The following AKAP8 variants were observed in gnomAD, a reference collection of about 807,000 sequenced individuals.
The protein encoded by AKAP8 is A-kinase anchor protein 8.
A neutral mutation model predicts 67.5 loss-of-function variants in AKAP8; 24 were observed. That is an observed-to-expected ratio of 0.36 (90% CI 0.26 to 0.50). The LOEUF (loss-of-function observed/expected upper bound fraction) is 0.50. Ranked by LOEUF, AKAP8 falls within the 20% of genes least tolerant of loss-of-function variation. The pLI is 0.97. For synonymous variants in AKAP8, 400 were observed against 371.1 expected, an observed-to-expected ratio of 1.08 and a Z score of -0.90; for missense variants, 971 against 955.9, an observed-to-expected ratio of 1.02 and a Z score of -0.21.
intron 9 of AKAP8, among the ~76,000 whole-genome samples, chr19:15,365,605 G>A (rs550508278): frequency 1.3e-4 from 20 of 152,304 alleles, no homozygotes; most frequent in African/African-American, 3.4e-4. Flanking sequence ...CAGCCCCTAC[G>A]TAGGCGGGGA....
Position 15,355,139 on chromosome 19 carries a change from G to T in AKAP8, c.1855C>A (p.Pro619Thr). The T allele has an allele frequency of 6.2e-7, 1 of 1,613,350 alleles. No individual in the cohort carries two copies. Among genetic ancestry groups the T allele is most frequent in the African/African-American group, 1.3e-5 (1 of 75,070 alleles). The change falls in exon 14 of 14, where the codon CCT becomes ACT. Residue 619 changes from proline (P) to threonine (T), a missense_variant. Physicochemically the swap from Pro to Thr is conservative, Grantham distance 38 (BLOSUM62 -1). Coordinates refer to ENST00000269701, the MANE Select transcript of AKAP8 (RefSeq NM_005858.4). ...TCTTCCAGCAGCTGTTCGGCTTGAG[G>T]ATCACTACCGGCCTCCGCTGTGTCC... ...PTDTAEAGSD[P>T]QAEQLLEEQV...
Position 15,372,367 on chromosome 19 carries a change from C to G in AKAP8, c.862-20G>C. The G allele has an allele frequency of 6.2e-7, 1 of 1,612,654 alleles. No individual in the cohort carries two copies. Among genetic ancestry groups the G allele is most frequent in the Non-Finnish European group, 8.5e-7 (1 of 1,178,806 alleles). ...CTTGGGCTACAGACAACAAGCACACCCCATGAGCTACTTACGAGGGCCATG... is the reference window on the plus strand; with the variant it reads ...CTTGGGCTACAGACAACAAGCACACGCCATGAGCTACTTACGAGGGCCATG... On this transcript the variant is annotated intron_variant, in intron 5 of 13. Coordinates refer to ENST00000269701, the MANE Select transcript of AKAP8 (RefSeq NM_005858.4).
intron 9 of AKAP8, among the ~76,000 whole-genome samples, chr19:15,367,169 G>A (rs531128816): frequency 6.6e-6 from 1 of 152,324 alleles, no homozygotes; most frequent in South Asian, 2.1e-4. Flanking sequence ...GCCTTCCAAA[G>A]TGCTGGAATT....
At chr19:15,368,915 A>G in intron 8 of AKAP8, 1 of 985,354 alleles carries the variant, frequency 1.0e-6, no homozygotes, top group Non-Finnish European at 1.2e-6. Flanking sequence ...AATCCTAGAA[A>G]AAAATTTGGG....
At chr19:15,355,701 C>T (rs1016059241) in intron 13 of AKAP8, among the ~76,000 whole-genome samples, 17 of 151,446 alleles carry the variant, frequency 1.1e-4, no homozygotes, top group African/African-American at 4.1e-4. Flanking sequence ...CAAAGCGCTG[C>T]GATTACAGGT....
chr19:15,378,403 A>C (rs1316971905), intron 1 of AKAP8, among the ~76,000 whole-genome samples: 2 of 152,044 alleles, frequency 1.3e-5, no homozygotes, highest in Non-Finnish European at 2.9e-5. Flanking sequence ...AACTATCTCC[A>C]GTGTGTCTGA....
At chr19:15,371,869 G>C in intron 7 of AKAP8, 83 bp downstream of exon 7, 1 of 1,467,236 alleles carries the variant, frequency 6.8e-7, no homozygotes, top group South Asian at 1.2e-5. Context: ...CATGGCAGCT[G>C]CTCCTGCCCC....
rs779169732 is a variant in AKAP8, at chr19:15,373,349, G to C, written c.372-9C>G. ...GCTGGAAGCGGAAGGAGCTGCAACA[G>C]AAGCACAGCCCATCAGGGGCGGTCA... On this transcript the variant is annotated splice_polypyrimidine_tract_variant and intron_variant, in intron 4 of 13. Transcript: ENST00000269701. 3.8e-6 allele frequency: 6 copies of C among 1,599,060 alleles called. No individual in the cohort carries two copies. Among genetic ancestry groups the C allele is most frequent in the Admixed American group, 3.4e-5 (2 of 58,920 alleles).
Position 15,372,336 on chromosome 19 carries a change from T to C in AKAP8, c.873A>G (p.Arg291=). The change falls in exon 6 of 14, where the codon AGA becomes AGG. Residue 291 remains arginine, a synonymous_variant. Coordinates refer to ENST00000269701, the MANE Select transcript of AKAP8 (RefSeq NM_005858.4). ...CATCTGGTCCGAAGCGGTCAAACCC[T>C]CTCCTCTTGGGCTACAGACAACAAG... ...RMRDRDRPKR[R]GFDRFGPDGT... 3 of 1,614,000 alleles carry C rather than the reference T, an allele frequency of 1.9e-6. No individual in the cohort carries two copies. Among genetic ancestry groups the C allele is most frequent in the Non-Finnish European group, 2.5e-6 (3 of 1,179,986 alleles).
At chr19:15,370,316 AGT>A (rs1967133352) in intron 7 of AKAP8, 137 bp from the exon 8 acceptor site, 4 of 952,916 alleles carry the variant, frequency 4.2e-6, no homozygotes, top group Non-Finnish European at 6.6e-6. Context: ...AATGAGCCAC[AGT>A]GTGTTAGGAC....
rs149241852 is a variant in AKAP8 at position 15,364,521 on chromosome 19, T to C, written c.1161-2270A>G. On this transcript the variant is annotated intron_variant, in intron 9 of 13. Coordinates refer to ENST00000269701, the MANE Select transcript of AKAP8 (RefSeq NM_005858.4). ...GCCCACCACCACTCCCAGTTAATTT[T>C]TGTATTGTGAGTAGAGACGTGGTTT... 1.9e-3 allele frequency among the ~76,000 whole-genome samples: 285 copies of C among 152,202 alleles called. 3 individuals carry two copies. The highest frequency in any genetic ancestry group is 6.0e-3 in the African/African-American group (251 of 41,542).
intron 13 of AKAP8, among the ~76,000 whole-genome samples, chr19:15,356,295 C>T (rs1189352953): frequency 6.6e-6 from 1 of 151,836 alleles, no homozygotes; most frequent in Admixed American, 6.6e-5. Flanking sequence ...GTCCCAGCTA[C>T]TCGGGAGGCT....
At chr19:15,379,619 G>C in intron 1 of AKAP8, 94 bp downstream of exon 1, 1 of 1,462,948 alleles carries the variant, frequency 6.8e-7, no homozygotes, top group East Asian at 2.8e-5. Context: ...ACCACGCTCG[G>C]GACGAAGGCC....
intron 8 of AKAP8, 24 bp downstream of exon 8, chr19:15,370,122 T>C: frequency 6.2e-7 from 1 of 1,614,020 alleles, no homozygotes; most frequent in Admixed American, 1.7e-5. Flanking sequence ...ACAGGAAAGC[T>C]GCAAGGGACA....
intron 9 of AKAP8, among the ~76,000 whole-genome samples, chr19:15,366,010 CAA>C (rs905312415): frequency 2.1e-5 from 3 of 141,538 alleles, no homozygotes; most frequent in Non-Finnish European, 4.5e-5. Context: ...GGTGACACAG[CAA>C]GACTCCATCT....
chr19:15,360,788 C>A lies in AKAP8; in HGVS notation c.1527+60G>T, dbSNP rs1269160654. On this transcript the variant is annotated intron_variant, in intron 12 of 13. Transcript: ENST00000269701. The stretch of plus-strand genomic sequence containing the variant: ...TGTTGTTATTCCCCATAAGACACAG[C>A]AGGCTCTGAGCCGCAGCCCTGCAAT... 4.5e-6 allele frequency: 7 copies of A among 1,564,944 alleles called. No homozygotes were observed. In the East Asian group the frequency reaches 1.6e-4, roughly 36 times the overall value.
intron 2 of AKAP8, 103 bp downstream of exon 2, chr19:15,376,873 C>G (rs1967261524): frequency 7.3e-7 from 1 of 1,373,922 alleles, no homozygotes; most frequent in South Asian, 1.3e-5. Flanking sequence ...AGTTTGCTGA[C>G]CCCTGGGCTA....
chr19:15,379,518 C>G (rs1967332354), intron 1 of AKAP8, 195 bp downstream of exon 1: 1 of 546,082 alleles, frequency 1.8e-6, no homozygotes, highest in African/African-American at 2.0e-5. Context: ...GCGGCCAATC[C>G]GCACGCAGAG....
At chr19:15,374,120 G>A in intron 3 of AKAP8, 55 bp from the exon 4 acceptor site, 1 of 1,515,836 alleles carries the variant, frequency 6.6e-7, no homozygotes, top group Non-Finnish European at 8.8e-7. Flanking sequence ...GCCTGTCCAT[G>A]GTGGACACAA....
Sources: allele counts gnomAD v4.1 joint callset (sites outside exome capture counted in the v4.1 genomes callset), GRCh38; gene constraint gnomAD v4.1.1; transcripts MANE v1.5; gene names NCBI Gene and HGNC (gene_info 2026-07-23, HGNC 2026-07-21).